The following BST2 variants were observed in gnomAD, a reference collection of about 807,000 sequenced individuals.
BST2 encodes bone marrow stromal cell antigen 2, also known as bone marrow stromal antigen 2.
Under a neutral mutation model 18.6 loss-of-function variants are expected in BST2, and 10 were observed. The ratio of observed to expected loss-of-function variants is 0.54; its 90% CI spans 0.33 to 0.91. BST2 has a LOEUF of 0.91. Ranked by LOEUF, BST2 falls within the 40% of genes least tolerant of loss-of-function variation. The pLI, the probability that BST2 is intolerant of heterozygous loss-of-function variation, is 0.02. For missense variants in BST2, 183 were observed against 228.4 expected (o/e 0.80, Z 1.28); for synonymous variants, 75 against 96.8 (o/e 0.77, Z 1.32).
rs536828298 is a variant in BST2 at position 17,404,531 on chromosome 19, G to A, written c.286-94C>T. ...CTCCCTAGGTCCTGGGGACAGAGGG[G>A]CTTAAATGCAAACCCCTTTCAGGTT... On this transcript the variant is annotated intron_variant, in intron 1 of 4. Transcript: ENST00000252593. 4.9e-5 allele frequency: 77 copies of A among 1,567,966 alleles called. 1 individual carries two copies. The Admixed American group carries it at 5.0e-4, about 10-fold the overall frequency.
In BST2 at chr19:17,403,935, G is replaced by A. The variant is rs1365403277; in HGVS notation, c.414-111C>T. Reference sequence around the variant, plus strand: ...CCGCACCGCCCCAATCCAAGTCACCGGGGAGGGAATGGACAGCGGCCACCC... The same window carrying A: ...CCGCACCGCCCCAATCCAAGTCACCAGGGAGGGAATGGACAGCGGCCACCC... On this transcript the variant is annotated intron_variant, in intron 3 of 4. Transcript: ENST00000252593. The A allele has an allele frequency of 6.2e-6, 9 of 1,453,138 alleles. No homozygotes were observed. In the East Asian group the frequency reaches 9.3e-5, roughly 15 times the overall value. 90.0% of individuals were successfully genotyped at this position (1,453,138 alleles called of 1,614,324 possible).
intron 1 of BST2, among the ~76,000 whole-genome samples, chr19:17,404,971 A>T (rs1411870711): frequency 6.6e-6 from 1 of 152,140 alleles, no homozygotes; most frequent in Non-Finnish European, 1.5e-5. Context: ...GGTGCCCACG[A>T]GGAGTTTCAA....
rs202074905 is a variant in BST2 at position 17,404,345 on chromosome 19, G to A, written c.352+26C>T. The A allele has an allele frequency of 2.2e-3, 1,719 of 796,364 alleles. 3 individuals carry two copies. The highest frequency in any genetic ancestry group is 2.1e-3 in the Non-Finnish European group (1,172 of 566,482). 49.3% of individuals were successfully genotyped at this position (796,364 alleles called of 1,614,324 possible). Reference sequence around the variant, plus strand: ...TTCCATACCTGACTCACCCCTCCCCGGCCCTCTCCCTTCTCCCTTTCTCAC... The same window carrying A: ...TTCCATACCTGACTCACCCCTCCCCAGCCCTCTCCCTTCTCCCTTTCTCAC... On this transcript the variant is annotated intron_variant, in intron 2 of 4. Transcript: ENST00000252593.
chr19:17,403,906 C>A (rs1487796959), intron 3 of BST2, 82 bp from the exon 4 acceptor site: 4 of 1,519,008 alleles, frequency 2.6e-6, no homozygotes, highest in Non-Finnish European at 3.5e-6. Context: ...CCCGGGAGTT[C>A]CCCCCGCACC....
intron 4 of BST2, 59 bp downstream of exon 4, chr19:17,403,621 T>G: frequency 6.4e-7 from 1 of 1,568,240 alleles, no homozygotes; most frequent in Non-Finnish European, 8.6e-7. Context: ...AGCCTCTGCT[T>G]CCCCGCCCCG....
rs1181058153 is a variant in BST2, at chr19:17,403,599, T to A, written c.*15+81A>T. The A allele has an allele frequency of 3.3e-6, 5 of 1,514,076 alleles. No homozygotes were observed. In the Admixed American group the frequency reaches 5.9e-5, roughly 18 times the overall value. 93.8% of individuals were successfully genotyped at this position (1,514,076 alleles called of 1,614,324 possible). On this transcript the variant is annotated intron_variant, in intron 4 of 4. Coordinates refer to ENST00000252593, the MANE Select transcript of BST2 (RefSeq NM_004335.4). ...AGTCCCTTCCCCTGCAGCCTCTCTCTCTAGACTTCGGAGCCTCTGCTTCCC... is the reference window on the plus strand; with the variant it reads ...AGTCCCTTCCCCTGCAGCCTCTCTCACTAGACTTCGGAGCCTCTGCTTCCC...
intron 1 of BST2, 131 bp from the exon 2 acceptor site, chr19:17,404,568 C>T: frequency 7.4e-7 from 1 of 1,355,758 alleles, no homozygotes; most frequent in East Asian, 2.3e-5. Flanking sequence ...TCTTCCAACC[C>T]TCTCTGCACC....
At chr19:17,404,970 G>T (rs1333665872) in intron 1 of BST2, among the ~76,000 whole-genome samples, 1 of 152,130 alleles carries the variant, frequency 6.6e-6, no homozygotes. Context: ...TGGTGCCCAC[G>T]AGGAGTTTCA....
At chr19:17,405,266 C>A in intron 1 of BST2, 25 bp downstream of exon 1, 2 of 1,589,086 alleles carry the variant, frequency 1.3e-6, no homozygotes, top group South Asian at 1.1e-5. Context: ...AGTACTAGGC[C>A]ATCCAAAGGA....
rs190143632 is a variant in BST2 at position 17,404,646 on chromosome 19, T to C, written c.286-209A>G. On this transcript the variant is annotated intron_variant, in intron 1 of 4. Transcript: ENST00000252593. ...CCAGGGCCACCCATAAGCATGTGGGTCCTCAAAATGGGAGTTTTGAGGCCA... is the reference window on the plus strand; with the variant it reads ...CCAGGGCCACCCATAAGCATGTGGGCCCTCAAAATGGGAGTTTTGAGGCCA... The C allele has an allele frequency of 7.4e-4, 479 of 647,402 alleles. 6 individuals are homozygous for C. In the African/African-American group the frequency reaches 8.2e-3, roughly 11 times the overall value. The allele number at this position is 647,402 out of a possible 1,614,324, so 40.1% of individuals were successfully genotyped here. A position where few individuals can be genotyped will look rare whatever the true frequency, so the allele number is the denominator to read the frequency against.
At position 17,403,114 on chromosome 19, in the gene BST2, G is replaced by A; in HGVS notation, c.*228C>T. ...AGAGGGGGGACTCATTGTCCGGAGG[G>A]AGGCTCTGGAGGGAGACAGCCCTGG... On this transcript the variant is annotated 3_prime_UTR_variant, in exon 5 of 5. Coordinates refer to ENST00000252593, the MANE Select transcript of BST2 (RefSeq NM_004335.4). The A allele has an allele frequency of 2.0e-6, 2 of 985,446 alleles. No individual in the cohort carries two copies. Among genetic ancestry groups the A allele is most frequent in the Non-Finnish European group, 2.4e-6 (2 of 830,160 alleles). 61.0% of individuals were successfully genotyped at this position (985,446 alleles called of 1,614,324 possible).
Position 17,403,292 on chromosome 19 carries a change from G to A in BST2, c.*50C>T. The A allele has an allele frequency of 9.4e-7, 1 of 1,058,826 alleles. No individual in the cohort carries two copies. The highest frequency in any genetic ancestry group is 1.1e-6 in the Non-Finnish European group (1 of 872,052). The allele number at this position is 1,058,826 out of a possible 1,614,324, so 65.6% of individuals were successfully genotyped here. The stretch of plus-strand genomic sequence containing the variant: ...GATGAGATCAAGGGAATGTTCAAGC[G>A]AAAAGCCGAGCAGGACGGACCTTCC... On this transcript the variant is annotated 3_prime_UTR_variant, in exon 5 of 5. Transcript: ENST00000252593.
At position 17,404,073 on chromosome 19, in the gene BST2, G is replaced by A. The variant is rs1029467121; in HGVS notation, c.413+56C>T. 23 of 1,515,468 alleles carry A rather than the reference G, an allele frequency of 1.5e-5. No individual in the cohort carries two copies. The Admixed American group carries it at 3.5e-4, about 23-fold the overall frequency. The allele number at this position is 1,515,468 out of a possible 1,614,324, so 93.9% of individuals were successfully genotyped here. ...AGATCCTGGGTCTTGGGCTAGGGATGTGGGGGTGAGAGGAATGTGGCAGGT... is the reference window on the plus strand; with the variant it reads ...AGATCCTGGGTCTTGGGCTAGGGATATGGGGGTGAGAGGAATGTGGCAGGT... On this transcript the variant is annotated intron_variant, in intron 3 of 4. Coordinates refer to ENST00000252593, the MANE Select transcript of BST2 (RefSeq NM_004335.4).
chr19:17,405,240 G>A (rs2074719318), intron 1 of BST2, 51 bp downstream of exon 1: 2 of 1,526,618 alleles, frequency 1.3e-6, no homozygotes, highest in Non-Finnish European at 1.8e-6. Flanking sequence ...AGAGATTCTT[G>A]TCCCTCCCAC....
rs773017736 is a variant in BST2 at position 17,405,312 on chromosome 19, G to A, written c.264C>T (p.Ala88=). 4.2e-5 allele frequency: 67 copies of A among 1,612,496 alleles called. No homozygotes were observed. The highest frequency in any genetic ancestry group is 8.9e-5 in the East Asian group (4 of 44,868). The change falls in exon 1 of 5, where the codon GCC becomes GCT. Residue 88 remains alanine, a synonymous_variant. Coordinates refer to ENST00000252593, the MANE Select transcript of BST2 (RefSeq NM_004335.4). ...QKGFQDVEAQ[A]ATCNHTVMAL... is the part of the protein sequence containing the mutation. ...TTACCACAGTGTGGTTGCAGGTGGC[G>A]GCCTGGGCCTCCACATCCTGAAAGC...
chr19:17,404,220 C>T lies in BST2; in HGVS notation c.353-31G>A, dbSNP rs200099556. The T allele has an allele frequency of 2.4e-4, 382 of 1,593,932 alleles. 2 individuals carry two copies. The highest frequency in any genetic ancestry group is 3.0e-4 in the Non-Finnish European group (349 of 1,167,604). On this transcript the variant is annotated intron_variant, in intron 2 of 4. Coordinates refer to ENST00000252593, the MANE Select transcript of BST2 (RefSeq NM_004335.4). ...AGGGTGGGAGGACAGAAACAGGGGGCGGGTCAGCATGTGGCCATGCTGGGG... is the reference window on the plus strand; with the variant it reads ...AGGGTGGGAGGACAGAAACAGGGGGTGGGTCAGCATGTGGCCATGCTGGGG...
At chr19:17,405,210 C>A in intron 1 of BST2, 81 bp downstream of exon 1, 1 of 1,470,910 alleles carries the variant, frequency 6.8e-7, no homozygotes, top group Non-Finnish European at 9.1e-7. Context: ...GGAGACCCAC[C>A]CTGGGTCAGA....
At chr19:17,404,684 A>T (rs2074715749) in intron 1 of BST2, 1 of 528,372 alleles carries the variant, frequency 1.9e-6, no homozygotes, top group Non-Finnish European at 3.3e-6. Context: ...CCACGTGGAA[A>T]CTTGGAGGCT....
In BST2 at chr19:17,405,557, C is replaced by CA; in HGVS notation, c.18dup (p.Asp7Ter). On this transcript the variant is annotated frameshift_variant, in exon 1 of 5. Coordinates refer to ENST00000252593, the MANE Select transcript of BST2 (RefSeq NM_004335.4). LOFTEE classifies it high-confidence loss of function. ...TCTTCCATGGGCACTCTGCAATAGT[C>CA]ATACGAAGTAGATGCCATCCAGATC... 6.2e-7 allele frequency: 1 copy of CA among 1,610,344 alleles called. No individual in the cohort carries two copies. Among genetic ancestry groups the CA allele is most frequent in the Non-Finnish European group, 8.5e-7 (1 of 1,178,876 alleles).
Sources: gnomAD v4.1 joint callset for allele counts (sites outside exome capture counted in the v4.1 genomes callset) on GRCh38, gnomAD v4.1.1 for gene constraint, MANE v1.5 for transcripts, NCBI Gene and HGNC (gene_info 2026-07-23, HGNC 2026-07-21) for gene names.